The following IFT122 variants were observed in gnomAD, a reference collection of about 807,000 sequenced individuals.
IFT122 encodes the protein intraflagellar transport 122.
A neutral mutation model predicts 161.6 loss-of-function variants in IFT122; 118 were observed. That is an observed-to-expected ratio of 0.73 (90% confidence interval 0.63 to 0.85). IFT122 has a LOEUF of 0.85. Among genes scored for constraint, IFT122 ranks in the 40% least tolerant of loss-of-function variants. The pLI is 0.00. For missense variants in IFT122, 1,381 were observed against 1,579.6 expected, an observed-to-expected ratio of 0.87 and a Z score of 2.13; for synonymous variants, 550 against 602.4, an observed-to-expected ratio of 0.91 and a Z score of 1.27.
At chr3:129,499,109 C>T (rs2081235373) in intron 18 of IFT122, among the ~76,000 whole-genome samples, 1 of 152,206 alleles carries the variant, frequency 6.6e-6, no homozygotes, top group African/African-American at 2.4e-5. Context: ...TCCTGAGCAC[C>T]TTCCCTGCCT....
At chr3:129,460,138 C>T (rs2076068936) in intron 4 of IFT122, among the ~76,000 whole-genome samples, 2 of 152,256 alleles carry the variant, frequency 1.3e-5, no homozygotes, top group South Asian at 2.1e-4. Context: ...AATACATTTA[C>T]ATTGTTGTGC....
At chr3:129,452,737 G>A (rs567769798) in intron 3 of IFT122, among the ~76,000 whole-genome samples, 1 of 152,194 alleles carries the variant, frequency 6.6e-6, no homozygotes, top group Non-Finnish European at 1.5e-5. Context: ...GCAGAGGAGG[G>A]ATCTGATTTG....
chr3:129,447,581 C>T (rs56006215), intron 1 of IFT122, among the ~76,000 whole-genome samples: 11,667 of 152,142 alleles, frequency 0.077, 509 homozygotes, highest in South Asian at 0.1. Flanking sequence ...GGTGCAATCT[C>T]GGCTCACTGC....
At chr3:129,456,361 G>C (rs1229803434) in intron 3 of IFT122, 1 of 983,360 alleles carries the variant, frequency 1.0e-6, no homozygotes, top group African/African-American at 1.7e-5. Flanking sequence ...GTACTTGGCC[G>C]GGTGTGGTGG....
chr3:129,475,882 T>C (rs1045013473), intron 9 of IFT122, among the ~76,000 whole-genome samples: 1 of 152,216 alleles, frequency 6.6e-6, no homozygotes, highest in African/African-American at 2.4e-5. Context: ...GGACAGTCTT[T>C]AAACTGAATA....
chr3:129,453,620 G>T (rs1363195884), intron 3 of IFT122, among the ~76,000 whole-genome samples: 3 of 152,204 alleles, frequency 2.0e-5, no homozygotes, highest in Admixed American at 2.0e-4. Flanking sequence ...GGGCAAGGGA[G>T]CAGAAAGTGT....
chr3:129,465,235 C>G (rs1264551415), intron 7 of IFT122, among the ~76,000 whole-genome samples: 1 of 149,512 alleles, frequency 6.7e-6, no homozygotes, highest in African/African-American at 2.5e-5. Context: ...TTTATTTTTG[C>G]CTTTCCTTTT....
chr3:129,460,453 T>A (rs754652142), intron 4 of IFT122, among the ~76,000 whole-genome samples: 16 of 152,156 alleles, frequency 1.1e-4, no homozygotes, highest in Non-Finnish European at 2.1e-4. Flanking sequence ...TATTATTATT[T>A]TTTTTTATGA....
chr3:129,450,300 C>G (rs1053555930), intron 2 of IFT122, among the ~76,000 whole-genome samples: 1 of 152,206 alleles, frequency 6.6e-6, no homozygotes, highest in Non-Finnish European at 1.5e-5. Context: ...CATGAAAAGT[C>G]AGATAGCCTG....
rs576858156 is a variant in IFT122, at chr3:129,491,973, C to T, written c.1993-168C>T. Reference sequence around the variant, plus strand: ...CAATCCCATGGATAAAGCCATGCCTCGCTGGGTGGTATAACCTCCTGCACG... The same window carrying T: ...CAATCCCATGGATAAAGCCATGCCTTGCTGGGTGGTATAACCTCCTGCACG... On this transcript the variant is annotated intron_variant, in intron 16 of 29. Transcript: ENST00000348417. Among the ~76,000 whole-genome samples the T allele has an allele frequency of 9.2e-5, 14 of 152,278 alleles. No homozygotes were observed. The East Asian group carries it at 2.3e-3, about 25-fold the overall frequency.
At chr3:129,496,657 T>G (rs1308120195) in intron 18 of IFT122, among the ~76,000 whole-genome samples, 3 of 152,168 alleles carry the variant, frequency 2.0e-5, no homozygotes, top group African/African-American at 7.2e-5. Context: ...CAGGACCTAT[T>G]GTTCATCAGG....
At chr3:129,462,856 G>A (rs186217475) in intron 5 of IFT122, among the ~76,000 whole-genome samples, 18 of 152,322 alleles carry the variant, frequency 1.2e-4, no homozygotes, top group African/African-American at 4.1e-4. Flanking sequence ...TGTGCCATGG[G>A]AGAGGCACAG....
At chr3:129,508,035 T>A (rs530138684) in intron 23 of IFT122, among the ~76,000 whole-genome samples, 12 of 152,358 alleles carry the variant, frequency 7.9e-5, no homozygotes, top group Non-Finnish European at 1.8e-4. Context: ...TCAGGGAAAC[T>A]CTGCATTAAC....
rs1475347326 is a variant in IFT122 at position 129,492,168 on chromosome 3, T to C, written c.2020T>C (p.Tyr674His). 1.2e-6 allele frequency: 2 copies of C among 1,613,196 alleles called. No homozygotes were observed. Among genetic ancestry groups the C allele is most frequent in the East Asian group, 2.2e-5 (1 of 44,866 alleles). ...CTTCATCAGAGTACAAGACCTCCGA[T>C]ATTTAGAGCTCATCAGCAGCATTGA... is the stretch of plus-strand genomic sequence containing the variant. ...KAFIRVQDLR[Y>H]LELISSIEER... The change falls in exon 17 of 30, where the codon TAT (tyrosine) becomes CAT (histidine). Residue 674 changes from tyrosine to histidine, a missense_variant. Coordinates refer to ENST00000348417, the MANE Select transcript of IFT122 (RefSeq NM_052989.3).
At chr3:129,480,914 A>G (rs2078561794) in intron 13 of IFT122, among the ~76,000 whole-genome samples, 1 of 152,122 alleles carries the variant, frequency 6.6e-6, no homozygotes, top group African/African-American at 2.4e-5. Context: ...TAAAACAGGC[A>G]TGGTGGAGGG....
intron 17 of IFT122, among the ~76,000 whole-genome samples, chr3:129,492,895 T>C (rs1240019498): frequency 1.3e-5 from 2 of 149,466 alleles, no homozygotes; most frequent in Non-Finnish European, 3.0e-5. Flanking sequence ...CACAGCTTAC[T>C]GCAGCATAGA....
intron 21 of IFT122, among the ~76,000 whole-genome samples, chr3:129,505,148 A>G (rs1385083316): frequency 6.6e-6 from 1 of 152,188 alleles, no homozygotes; most frequent in Non-Finnish European, 1.5e-5. Context: ...GAATCTTGCC[A>G]ACAGCTGTGC....
In IFT122 at chr3:129,479,844, G is replaced by A. The variant is rs1391929490; in HGVS notation, c.1410G>A (p.Glu470=). 1 of 1,613,996 alleles carries A rather than the reference G, an allele frequency of 6.2e-7. No homozygotes were observed. The highest frequency in any genetic ancestry group is 8.5e-7 in the Non-Finnish European group (1 of 1,180,034). Residue 470 remains glutamate (E), a synonymous_variant, in exon 13 of 30, where the codon GAG becomes GAA. Transcript: ENST00000348417. Reference sequence around the variant, plus strand: ...TGAAGGAGCGGGAGTGGCAGATGGAGTCTCTCATTCGTTACATCAAGGTGA... The same window carrying A: ...TGAAGGAGCGGGAGTGGCAGATGGAATCTCTCATTCGTTACATCAAGGTGA... ...SGVKEREWQM[E]SLIRYIKVIG...
chr3:129,480,255 C>T (rs551782653), intron 13 of IFT122, among the ~76,000 whole-genome samples: 105 of 152,286 alleles, frequency 6.9e-4, no homozygotes, highest in Middle Eastern at 3.4e-3. Context: ...AGGCAGAGAT[C>T]GTTACCTAGG....
Sources: gnomAD v4.1 joint callset for allele counts (sites outside exome capture counted in the v4.1 genomes callset) on GRCh38, gnomAD v4.1.1 for gene constraint, MANE v1.5 for transcripts, NCBI Gene and HGNC (gene_info 2026-07-23, HGNC 2026-07-21) for gene names.